The following COL14A1 variants were observed in gnomAD, a reference collection of about 807,000 sequenced individuals.
COL14A1 encodes the protein collagen type XIV alpha 1 chain.
Under a neutral mutation model 230.3 loss-of-function variants are expected in COL14A1, and 136 were observed. That is an observed-to-expected ratio of 0.59 (90% confidence interval 0.51 to 0.68). The LOEUF (loss-of-function observed/expected upper bound fraction) is 0.68. COL14A1 is among the 30% of genes least tolerant of loss of function. The pLI is 0.00. For missense variants in COL14A1, 1,976 were observed against 2,215.8 expected (o/e 0.89, Z 2.17); for synonymous variants, 792 against 784.1 (o/e 1.01, Z -0.17).
rs549569726 is a variant in COL14A1, at chr8:120,167,507, G to C, written c.350-654G>C. On this transcript the variant is annotated intron_variant, in intron 4 of 47. Transcript: ENST00000297848. ...AAAAGCAGCTGTGCAGTTTTAAGGA[G>C]AGAATGCAGTGGAAAGTTAAGCTAA... Among the ~76,000 whole-genome samples, 332 of 152,340 alleles carry C rather than the reference G, an allele frequency of 2.2e-3. 1 individual carries two copies. Among genetic ancestry groups the C allele is most frequent in the Non-Finnish European group, 3.0e-3 (202 of 68,038 alleles).
At chr8:120,277,898 C>G in intron 26 of COL14A1, 1 of 305,596 alleles carries the variant, frequency 3.3e-6, no homozygotes, top group Non-Finnish European at 5.9e-6. Flanking sequence ...ACAATGTACC[C>G]TCTGAATCTA....
chr8:120,329,315 C>T (rs1475085646), intron 40 of COL14A1, among the ~76,000 whole-genome samples: 1 of 152,064 alleles, frequency 6.6e-6, no homozygotes, highest in Non-Finnish European at 1.5e-5. Flanking sequence ...CTCCATTTAA[C>T]ATAATTTATT....
chr8:120,297,561 A>G lies in COL14A1; in HGVS notation c.4287A>G (p.Thr1429=). The G allele has an allele frequency of 7.0e-7, 1 of 1,435,422 alleles. No individual in the cohort carries two copies. Among genetic ancestry groups the G allele is most frequent in the Non-Finnish European group, 9.2e-7 (1 of 1,091,616 alleles). 88.9% of individuals were successfully genotyped at this position (1,435,422 alleles called of 1,614,324 possible). A position where few individuals can be genotyped will look rare whatever the true frequency, so the allele number is the denominator to read the frequency against. The part of the protein sequence containing the change: ...DIVCSTSWAN[T]DKCCELPGLR... ...TTTGCTCCACATCATGGGCCAATAC[A>G]GACAAATGCTGTGAACTTCCAGGCC... Residue 1429 remains threonine, a synonymous_variant, in exon 35 of 48, where the codon ACA becomes ACG. Coordinates refer to ENST00000297848, the MANE Select transcript of COL14A1 (RefSeq NM_021110.4).
chr8:120,321,535 C>T (rs1380462660), intron 40 of COL14A1, among the ~76,000 whole-genome samples: 1 of 151,566 alleles, frequency 6.6e-6, no homozygotes, highest in African/African-American at 2.4e-5. Flanking sequence ...TCCAGCTACT[C>T]AGGAGGCTGA....
intron 5 of COL14A1, among the ~76,000 whole-genome samples, chr8:120,190,963 C>G (rs1816803991): frequency 6.7e-6 from 1 of 148,892 alleles, no homozygotes; most frequent in Non-Finnish European, 1.5e-5. Flanking sequence ...TGCTAGCGGT[C>G]TATCAATTTT....
At chr8:120,321,581 T>G (rs1821445506) in intron 40 of COL14A1, among the ~76,000 whole-genome samples, 3 of 151,612 alleles carry the variant, frequency 2.0e-5, no homozygotes. Flanking sequence ...AGGTGGAGAT[T>G]GCAGTGAGCC....
chr8:120,244,177 T>C (rs993062412), intron 20 of COL14A1, among the ~76,000 whole-genome samples, 169 bp downstream of exon 20: 31 of 152,342 alleles, frequency 2.0e-4, no homozygotes, highest in African/African-American at 7.0e-4. Context: ...TATGTGACTT[T>C]GAGCAAATTG....
chr8:120,335,374 G>A (rs1338975782), intron 42 of COL14A1, among the ~76,000 whole-genome samples: 3 of 152,208 alleles, frequency 2.0e-5, no homozygotes, highest in Non-Finnish European at 4.4e-5. Context: ...TGCCATTGGT[G>A]CTTTGATCAG....
chr8:120,170,622 A>G (rs577774325), intron 5 of COL14A1, among the ~76,000 whole-genome samples: 1 of 152,050 alleles, frequency 6.6e-6, no homozygotes, highest in African/African-American at 2.4e-5. Flanking sequence ...ATTTCCCTCG[A>G]TGGTATTAGT....
At chr8:120,179,297 C>T (rs945683569) in intron 5 of COL14A1, among the ~76,000 whole-genome samples, 1 of 152,208 alleles carries the variant, frequency 6.6e-6, no homozygotes, top group Non-Finnish European at 1.5e-5. Context: ...ACCCCATTAT[C>T]TCAGCCCAAA....
At chr8:120,287,473 T>C (rs986243885) in intron 33 of COL14A1, among the ~76,000 whole-genome samples, 9 of 152,156 alleles carry the variant, frequency 5.9e-5, no homozygotes, top group African/African-American at 2.2e-4. Context: ...GTTTGAGATT[T>C]CATGAGTGTT....
chr8:120,292,758 C>A (rs902478360), intron 34 of COL14A1, among the ~76,000 whole-genome samples: 33 of 152,008 alleles, frequency 2.2e-4, no homozygotes, highest in Non-Finnish European at 4.4e-4. Flanking sequence ...CCATTCCCTG[C>A]CAAATCCAAC....
At chr8:120,308,892 C>T (rs995030845) in intron 36 of COL14A1, among the ~76,000 whole-genome samples, 5 of 152,162 alleles carry the variant, frequency 3.3e-5, no homozygotes, top group Middle Eastern at 3.2e-3. Flanking sequence ...CCCTTTTTAT[C>T]GAAGAGCGAA....
chr8:120,231,471 C>T lies in COL14A1; in HGVS notation c.2202C>T (p.Phe734=). 1 of 1,612,192 alleles carries T rather than the reference C, an allele frequency of 6.2e-7. No individual in the cohort carries two copies. Among genetic ancestry groups the T allele is most frequent in the East Asian group, 2.2e-5 (1 of 44,872 alleles). ...IVPTTSVTSV[F]QTGIRNLVVG... ...CCTTGGTTGTGTTTATTCCAGTTTT[C>T]CAGACGGGAATCAGAAACCTAGTTG... is the stretch of plus-strand genomic sequence containing the variant. Residue 734 remains phenylalanine (F), a synonymous_variant, in exon 19 of 48, where the codon TTC becomes TTT. Transcript: ENST00000297848.
At chr8:120,168,896 C>T (rs1223461860) in intron 5 of COL14A1, among the ~76,000 whole-genome samples, 2 of 152,142 alleles carry the variant, frequency 1.3e-5, no homozygotes, top group African/African-American at 4.8e-5. Flanking sequence ...CACTCTGTCA[C>T]CCAGGCTAGA....
In COL14A1 at chr8:120,147,792, C is replaced by G; in HGVS notation, c.-37-14C>G. 7.3e-7 allele frequency: 1 copy of G among 1,371,388 alleles called. No homozygotes were observed. The highest frequency in any genetic ancestry group is 1.9e-5 in the Admixed American group (1 of 52,682). The allele number at this position is 1,371,388 out of a possible 1,614,324, so 85.0% of individuals were successfully genotyped here. On this transcript the variant is annotated splice_polypyrimidine_tract_variant and intron_variant, in intron 1 of 47. Transcript: ENST00000297848. ...CAGCCTTCTCAAAAATGTTCCTGTT[C>G]TCTCTGTTTCTAGGTGGCTGCTACA...
intron 45 of COL14A1, among the ~76,000 whole-genome samples, chr8:120,347,876 G>C (rs956463180): frequency 2.6e-5 from 4 of 152,026 alleles, no homozygotes; most frequent in Non-Finnish European, 5.9e-5. Flanking sequence ...CTATTACCAG[G>C]CAGTGTATGT....
In COL14A1 at chr8:120,192,866, G is replaced by A. The variant is rs1017224415; in HGVS notation, c.437-3925G>A. Among the ~76,000 whole-genome samples, 40 of 152,016 alleles carry A rather than the reference G, an allele frequency of 2.6e-4. 1 individual carries two copies. Among genetic ancestry groups the A allele is most frequent in the Admixed American group, 2.0e-3 (30 of 15,266 alleles). ...CTCCTGAGGCTTCTGCATTCTTCACGTAGTTCTCGAGCCTTGGCTTTTAGC... is the reference window on the plus strand; with the variant it reads ...CTCCTGAGGCTTCTGCATTCTTCACATAGTTCTCGAGCCTTGGCTTTTAGC... On this transcript the variant is annotated intron_variant, in intron 5 of 47. Transcript: ENST00000297848.
At chr8:120,330,568 A>G (rs533490238) in intron 40 of COL14A1, among the ~76,000 whole-genome samples, 1 of 152,264 alleles carries the variant, frequency 6.6e-6, no homozygotes, top group South Asian at 2.1e-4. Context: ...CATCATGGGA[A>G]AGACCAGCCC....
Sources: allele counts gnomAD v4.1 joint callset (sites outside exome capture counted in the v4.1 genomes callset), GRCh38; gene constraint gnomAD v4.1.1; transcripts MANE v1.5; gene names NCBI Gene and HGNC (gene_info 2026-07-23, HGNC 2026-07-21).